The following EPB41L4A variants were observed in gnomAD, a reference collection of about 807,000 sequenced individuals.
The protein encoded by EPB41L4A is erythrocyte membrane protein band 4.1 like 4A.
In EPB41L4A, 100 loss-of-function variants were observed where a neutral mutation model predicts 108.6. That is an observed-to-expected ratio of 0.92 (90% confidence interval 0.78 to 1.09). The LOEUF (loss-of-function observed/expected upper bound fraction) is 1.09, where lower values mean the gene tolerates loss of function less well. Among genes scored for constraint, EPB41L4A ranks in the 50% least tolerant of loss-of-function variants. The pLI is 0.00. For synonymous variants in EPB41L4A, 319 were observed against 289.0 expected (o/e 1.10, Z -1.05); for missense variants, 1,030 against 842.7 (o/e 1.22, Z -2.75).
intron 22 of EPB41L4A, 111 bp downstream of exon 22, chr5:112,168,628 A>G (rs1052668635): frequency 1.3e-6 from 1 of 747,060 alleles, no homozygotes; most frequent in African/African-American, 1.8e-5. Flanking sequence ...TCAGAATGAC[A>G]TTAAGGTTTC....
At chr5:112,161,100 A>G (rs1472695114), downstream of EPB41L4A, 1 of 157,716 alleles carries the variant, frequency 6.3e-6, no homozygotes, top group African/African-American at 2.4e-5. Context: ...AGCTTCGTCG[A>G]TTTGTGTTTA....
intron 1 of EPB41L4A, among the ~76,000 whole-genome samples, chr5:112,344,686 G>A (rs922147858): frequency 6.6e-6 from 1 of 152,216 alleles, no homozygotes; most frequent in African/African-American, 2.4e-5. Flanking sequence ...AAGAAATTCT[G>A]CCTGTGTCCG....
At chr5:112,179,375 A>C (rs1489744677) in intron 18 of EPB41L4A, among the ~76,000 whole-genome samples, 4 of 152,132 alleles carry the variant, frequency 2.6e-5, no homozygotes, top group Non-Finnish European at 5.9e-5. Flanking sequence ...CAAAAACCTG[A>C]CATTACAGGA....
chr5:112,230,203 G>A lies in EPB41L4A; in HGVS notation c.1087+4431C>T, dbSNP rs185520479. On this transcript the variant is annotated intron_variant, in intron 12 of 22. Coordinates refer to ENST00000261486, the MANE Select transcript of EPB41L4A (RefSeq NM_022140.5). ...GCTGTTATAAATATCGTGTGCAAGT[G>A]TCTTTCTTATATAATGACTTCTTTT... Among the ~76,000 whole-genome samples, 7 of 152,114 alleles carry A rather than the reference G, an allele frequency of 4.6e-5. No homozygotes were observed. In the East Asian group the frequency reaches 1.2e-3, roughly 25 times the overall value.
chr5:112,386,714 C>T (rs1475241412), intron 1 of EPB41L4A, among the ~76,000 whole-genome samples: 1 of 152,046 alleles, frequency 6.6e-6, no homozygotes, highest in African/African-American at 2.4e-5. Flanking sequence ...GGACACAGCT[C>T]AAAATTTAGG....
intron 2 of EPB41L4A, among the ~76,000 whole-genome samples, chr5:112,306,284 C>T (rs1754673848): frequency 6.6e-6 from 1 of 152,142 alleles, no homozygotes; most frequent in African/African-American, 2.4e-5. Flanking sequence ...AGATAGAATT[C>T]AGTGGACTTC....
chr5:112,374,765 AAGG>A (rs1759705700), intron 1 of EPB41L4A, among the ~76,000 whole-genome samples: 1 of 152,164 alleles, frequency 6.6e-6, no homozygotes, highest in Non-Finnish European at 1.5e-5. Flanking sequence ...TTGCCTGGGG[AAGG>A]GGTCAGAAGG....
chr5:112,278,843 TCAGGAATTCGAGAC>T (rs1316562458), intron 3 of EPB41L4A, among the ~76,000 whole-genome samples: 1 of 148,590 alleles, frequency 6.7e-6, no homozygotes, highest in African/African-American at 2.5e-5. Flanking sequence ...TCACCTGAGG[TCAGGAATTCGAGAC>T]CAGCCTGGCC....
rs555340165 is a variant in EPB41L4A, at chr5:112,231,060, T to C, written c.1087+3574A>G. On this transcript the variant is annotated intron_variant, in intron 12 of 22. Coordinates refer to ENST00000261486, the MANE Select transcript of EPB41L4A (RefSeq NM_022140.5). ...TGAATACACACCACTGTTTAAAATA[T>C]ATAAATAGTCATGAATGCTTAAAGA... Among the ~76,000 whole-genome samples the C allele has an allele frequency of 3.2e-4, 48 of 152,374 alleles. No homozygotes were observed. The South Asian group carries it at 9.3e-3, about 30-fold the overall frequency.
At chr5:112,176,584 C>T (rs1192595319) in intron 18 of EPB41L4A, among the ~76,000 whole-genome samples, 2 of 152,064 alleles carry the variant, frequency 1.3e-5, no homozygotes, top group Non-Finnish European at 2.9e-5. Flanking sequence ...AATCTGTCAG[C>T]TGTACTTCCA....
At chr5:112,155,255 G>T (rs1759607144) in intron 12 of EPB41L4A, among the ~76,000 whole-genome samples, 1 of 151,826 alleles carries the variant, frequency 6.6e-6, no homozygotes, top group Non-Finnish European at 1.5e-5. Flanking sequence ...CTTGTATTTA[G>T]GACCACAACA....
chr5:112,293,843 C>T lies in EPB41L4A; in HGVS notation c.205-13520G>A, dbSNP rs1019698958. 2.6e-5 allele frequency among the ~76,000 whole-genome samples: 4 copies of T among 152,296 alleles called. 1 individual carries two copies. In the East Asian group the frequency reaches 7.7e-4, roughly 29 times the overall value. ...ATGACTGTGCTCAGAAGAGGGCACA[C>T]CCACTCTAAACAGAAAATGTTCCAG... is the stretch of plus-strand genomic sequence containing the variant. On this transcript the variant is annotated intron_variant, in intron 2 of 22. Coordinates refer to ENST00000261486, the MANE Select transcript of EPB41L4A (RefSeq NM_022140.5).
chr5:112,237,440 T>G (rs1229266497), intron 11 of EPB41L4A, among the ~76,000 whole-genome samples: 1 of 152,168 alleles, frequency 6.6e-6, no homozygotes. Flanking sequence ...AACTCTTGTC[T>G]TCCTCCATCA....
intron 15 of EPB41L4A, among the ~76,000 whole-genome samples, chr5:112,197,756 G>C: frequency 6.6e-6 from 1 of 152,088 alleles, no homozygotes; most frequent in East Asian, 1.9e-4. Flanking sequence ...ATGATCCAAG[G>C]AACTCCTTTT....
intron 11 of EPB41L4A, among the ~76,000 whole-genome samples, chr5:112,237,338 T>A (rs1382546303): frequency 6.6e-6 from 1 of 152,118 alleles, no homozygotes; most frequent in Non-Finnish European, 1.5e-5. Flanking sequence ...AAAAGTCCGA[T>A]TTTTCCCTTA....
chr5:112,251,498 T>C (rs1211748990), intron 9 of EPB41L4A, among the ~76,000 whole-genome samples: 2 of 152,174 alleles, frequency 1.3e-5, no homozygotes, highest in African/African-American at 2.4e-5. Context: ...TAGGAGATAT[T>C]ACTAAGTGGG....
At chr5:112,161,769 C>A (rs557703090), downstream of EPB41L4A, 4 of 388,042 alleles carry the variant, frequency 1.0e-5, no homozygotes, top group African/African-American at 8.3e-5. Context: ...ATAAAGGTGA[C>A]CTGAAGGTAG....
chr5:112,182,849 A>G (rs1761226177), intron 18 of EPB41L4A, among the ~76,000 whole-genome samples: 1 of 151,662 alleles, frequency 6.6e-6, no homozygotes. Context: ...ATCTTCATTA[A>G]CTTCAGCTTT....
intron 1 of EPB41L4A, among the ~76,000 whole-genome samples, chr5:112,417,013 G>A (rs1762756492): frequency 6.6e-6 from 1 of 152,198 alleles, no homozygotes; most frequent in South Asian, 2.1e-4. Context: ...ATGCTTTTGT[G>A]ACAAGGACAG....
Sources: allele counts gnomAD v4.1 joint callset (sites outside exome capture counted in the v4.1 genomes callset), GRCh38; gene constraint gnomAD v4.1.1; transcripts MANE v1.5; gene names NCBI Gene and HGNC (gene_info 2026-07-23, HGNC 2026-07-21).